The following ANKRD31 variants were observed in gnomAD, a reference collection of about 807,000 sequenced individuals.
The protein encoded by ANKRD31 is ankyrin repeat domain-containing protein 31.
A neutral mutation model predicts 186.0 loss-of-function variants in ANKRD31; 147 were observed. The observed-to-expected ratio is 0.79, with a 90% CI of 0.69 to 0.91. ANKRD31 has a LOEUF of 0.91. Ranked by LOEUF, ANKRD31 falls within the 40% of genes least tolerant of loss-of-function variation. ANKRD31 has a pLI of 0.00. For missense variants in ANKRD31, 1,986 were observed against 2,148.8 expected, an observed-to-expected ratio of 0.92 and a Z score of 1.50; for synonymous variants, 673 against 736.4, an observed-to-expected ratio of 0.91 and a Z score of 1.39.
At chr5:75,201,607 C>T (rs1561532260) in intron 5 of ANKRD31, among the ~76,000 whole-genome samples, 1 of 152,058 alleles carries the variant, frequency 6.6e-6, no homozygotes, top group Non-Finnish European at 1.5e-5. Flanking sequence ...TCTTTAACAA[C>T]TTCATCTTCA....
At chr5:75,192,950 G>C (rs1260150857) in intron 8 of ANKRD31, among the ~76,000 whole-genome samples, 174 bp from the exon 9 acceptor site, 2 of 152,116 alleles carry the variant, frequency 1.3e-5, no homozygotes, top group African/African-American at 4.8e-5. Context: ...TTCTGCAGCA[G>C]GCATGCCAGT....
intron 4 of ANKRD31, among the ~76,000 whole-genome samples, chr5:75,208,485 C>T (rs1389850956): frequency 2.0e-5 from 3 of 151,922 alleles, no homozygotes; most frequent in Non-Finnish European, 2.9e-5. Context: ...CCAGAATTTC[C>T]TTATCTGACT....
chr5:75,164,894 C>T (rs1030886680), intron 11 of ANKRD31, among the ~76,000 whole-genome samples: 8 of 152,144 alleles, frequency 5.3e-5, no homozygotes, highest in South Asian at 4.1e-4. Flanking sequence ...TAGATTTAAT[C>T]GTATCTACCA....
intron 22 of ANKRD31, among the ~76,000 whole-genome samples, chr5:75,097,938 T>C (rs1370700551): frequency 2.0e-5 from 3 of 152,226 alleles, no homozygotes; most frequent in Non-Finnish European, 2.9e-5. Flanking sequence ...TTCTTGTTTT[T>C]GTCAGGTTTG....
rs116243965 is a variant in ANKRD31, at chr5:75,167,495, G to A, written c.1707+1484C>T. Among the ~76,000 whole-genome samples the A allele has an allele frequency of 2.1e-3, 320 of 152,308 alleles. 2 individuals carry two copies. Among genetic ancestry groups the A allele is most frequent in the South Asian group, 8.3e-3 (40 of 4,826 alleles). On this transcript the variant is annotated intron_variant, in intron 11 of 25. Transcript: ENST00000506364. Reference sequence around the variant, plus strand: ...TTTTAATTTTCATGACTTTTCTCTAGACTTCCACTCCTGTCTTGTCATTCT... The same window carrying A: ...TTTTAATTTTCATGACTTTTCTCTAAACTTCCACTCCTGTCTTGTCATTCT...
chr5:75,134,886 C>T (rs1415879628), intron 17 of ANKRD31, among the ~76,000 whole-genome samples: 1 of 152,064 alleles, frequency 6.6e-6, no homozygotes, highest in Non-Finnish European at 1.5e-5. Context: ...TAAACGTAAT[C>T]AATCATATGA....
In ANKRD31 at chr5:75,118,250, A is replaced by G. The variant is rs1371114034; in HGVS notation, c.3924T>C (p.Asp1308=). ...LQNGANPNQK[D]QKQKSALDEA... is the part of the protein sequence containing the mutation. ...CATCCAAAGCACTCTTCTGTTTTTGATCTTTTTGATTAGGGTTTGCTCCAT... is the reference window on the plus strand; with the variant it reads ...CATCCAAAGCACTCTTCTGTTTTTGGTCTTTTTGATTAGGGTTTGCTCCAT... The change falls in exon 18 of 26, where the codon GAT becomes GAC. Residue 1308 remains aspartate (D), a synonymous_variant. Coordinates refer to ENST00000506364, the MANE Select transcript of ANKRD31 (RefSeq NM_001372053.1). The G allele has an allele frequency of 2.1e-5, 32 of 1,519,230 alleles. No individual in the cohort carries two copies. The East Asian group carries it at 7.9e-4, about 37-fold the overall frequency. 94.1% of individuals were successfully genotyped at this position (1,519,230 alleles called of 1,614,324 possible). A position where few individuals can be genotyped will look rare whatever the true frequency, so the allele number is the denominator to read the frequency against.
intron 2 of ANKRD31, among the ~76,000 whole-genome samples, chr5:75,228,975 T>C (rs1370424477): frequency 6.6e-6 from 1 of 152,210 alleles, no homozygotes; most frequent in Non-Finnish European, 1.5e-5. Context: ...CTGTGAACCA[T>C]AAATACACAA....
At chr5:75,116,926 G>A (rs1239529431) in intron 18 of ANKRD31, among the ~76,000 whole-genome samples, 1 of 152,138 alleles carries the variant, frequency 6.6e-6, no homozygotes, top group Non-Finnish European at 1.5e-5. Context: ...AACCTGTGAA[G>A]TAGGTAGTTT....
At chr5:75,170,804 A>G (rs1229944370) in intron 10 of ANKRD31, among the ~76,000 whole-genome samples, 1 of 152,152 alleles carries the variant, frequency 6.6e-6, no homozygotes, top group Non-Finnish European at 1.5e-5. Flanking sequence ...GTAAATAAGC[A>G]GTAAACATAA....
chr5:75,234,754 G>T (rs1477227765), intron 1 of ANKRD31, among the ~76,000 whole-genome samples: 1 of 151,892 alleles, frequency 6.6e-6, no homozygotes, highest in Non-Finnish European at 1.5e-5. Context: ...GAAATTTTTT[G>T]AGTTTTGTAT....
chr5:75,084,376 T>C lies in ANKRD31; in HGVS notation c.5473-2A>G, dbSNP rs1745321165. 2 of 1,533,002 alleles carry C rather than the reference T, an allele frequency of 1.3e-6. No homozygotes were observed. The highest frequency in any genetic ancestry group is 1.7e-6 in the Non-Finnish European group (2 of 1,143,114). 95.0% of individuals were successfully genotyped at this position (1,533,002 alleles called of 1,614,324 possible). ...AAGCTCCTTCCCAAGATACGTTACC[T>C]GCACATAATTAAGCACAAAATTTAT... On this transcript the variant is annotated splice_acceptor_variant, in intron 23 of 25. Coordinates refer to ENST00000506364, the MANE Select transcript of ANKRD31 (RefSeq NM_001372053.1). LOFTEE classifies it high-confidence loss of function.
chr5:75,146,517 G>T lies in ANKRD31; in HGVS notation c.2894C>A (p.Thr965Lys). 1.2e-5 allele frequency: 18 copies of T among 1,536,558 alleles called. No homozygotes were observed. The highest frequency in any genetic ancestry group is 1.6e-5 in the Non-Finnish European group (18 of 1,146,474). ...ATTAACAGCTTCCTGTTCTGGAAGT[G>T]TGGTTAGGCTGACTGCTTTTAACTC... ...ENELKAVSLT[T>K]LPEQEAVNFS... Residue 965 changes from threonine (T) to lysine (K), a missense_variant, in exon 14 of 26, where the codon ACA (threonine) becomes AAA (lysine). By Grantham distance (78) the Thr-to-Lys change is moderately conservative (BLOSUM62 -1). Transcript: ENST00000506364.
At position 75,146,131 on chromosome 5, in the gene ANKRD31, T is replaced by C. The variant is rs571556919; in HGVS notation, c.3280A>G (p.Lys1094Glu). 4.9e-5 allele frequency: 76 copies of C among 1,536,146 alleles called. No homozygotes were observed. In the African/African-American group the frequency reaches 9.2e-4, roughly 19 times the overall value. The change falls in exon 14 of 26, where the codon AAA (lysine) becomes GAA (glutamate). Residue 1094 changes from lysine to glutamate, a missense_variant. Physicochemically the swap from Lys to Glu is moderately conservative, Grantham distance 56. Transcript: ENST00000506364. The stretch of plus-strand genomic sequence containing the variant: ...TGGTTTTGTCTCCTTTTTTCAACTT[T>C]AGTTGTTTCTATTACTTGAGAATGA... ...VAHSQVIETT[K>E]VEKRRQNHLE...
intron 4 of ANKRD31, among the ~76,000 whole-genome samples, chr5:75,207,349 T>C (rs918565634): frequency 6.6e-6 from 1 of 152,158 alleles, no homozygotes; most frequent in Non-Finnish European, 1.5e-5. Flanking sequence ...AAGTGTGATT[T>C]TTTAAGAACA....
At chr5:75,132,380 T>G (rs1280412909) in intron 17 of ANKRD31, among the ~76,000 whole-genome samples, 1 of 152,164 alleles carries the variant, frequency 6.6e-6, no homozygotes, top group African/African-American at 2.4e-5. Flanking sequence ...TGCACAAGCT[T>G]CAGTAGCCCA....
chr5:75,230,476 TCA>T, intron 2 of ANKRD31, 84 bp downstream of exon 2: 1 of 1,032,416 alleles, frequency 9.7e-7, no homozygotes, highest in Non-Finnish European at 1.4e-6. Flanking sequence ...GCTTAAAGTC[TCA>T]GTTTCCAAGA....
chr5:75,070,204 G>A lies in ANKRD31; in HGVS notation c.5648-1540C>T, dbSNP rs554844628. Among the ~76,000 whole-genome samples, 4 of 152,192 alleles carry A rather than the reference G, an allele frequency of 2.6e-5. No individual in the cohort carries two copies. The East Asian group carries it at 5.8e-4, about 22-fold the overall frequency. ...TGTTTTATAGACTTCCGGAAACAAG[G>A]TATCTCATAAAAGTTAAGGAATATT... On this transcript the variant is annotated intron_variant, in intron 25 of 25. Transcript: ENST00000506364.
chr5:75,077,651 C>A (rs553668499), intron 25 of ANKRD31, among the ~76,000 whole-genome samples: 1 of 151,842 alleles, frequency 6.6e-6, no homozygotes, highest in Non-Finnish European at 1.5e-5. Flanking sequence ...CTTGGCCGGG[C>A]GCGGTGGCTC....
Sources: gnomAD v4.1 joint callset for allele counts (sites outside exome capture counted in the v4.1 genomes callset) on GRCh38, gnomAD v4.1.1 for gene constraint, MANE v1.5 for transcripts, NCBI Gene and HGNC (gene_info 2026-07-23, HGNC 2026-07-21) for gene names.